POPDC3: variants seen among roughly 807,000 people sequenced by gnomAD.
POPDC3 encodes the protein popeye domain cAMP effector 3, also known as popeye domain-containing protein 3.
A neutral mutation model predicts 28.2 loss-of-function variants in POPDC3; 20 were observed. That is an observed-to-expected ratio of 0.71 (90% CI 0.50 to 1.03). POPDC3 has a LOEUF of 1.03. Among genes scored for constraint, POPDC3 ranks in the 50% least tolerant of loss-of-function variants. The pLI is 0.00. For missense variants in POPDC3, 316 were observed against 345.9 expected, an observed-to-expected ratio of 0.91 and a Z score of 0.69; for synonymous variants, 118 against 124.1, an observed-to-expected ratio of 0.95 and a Z score of 0.33.
intron 2 of POPDC3, among the ~76,000 whole-genome samples, chr6:105,160,674 C>T (rs1030630401): frequency 4.6e-5 from 7 of 152,144 alleles, no homozygotes; most frequent in Non-Finnish European, 1.0e-4. Flanking sequence ...CTCACTGCAA[C>T]CTCCGCCTCC....
chr6:105,173,988 C>G (rs376113187), intron 1 of POPDC3, among the ~76,000 whole-genome samples: 94 of 152,272 alleles, frequency 6.2e-4, no homozygotes, highest in African/African-American at 2.0e-3. Flanking sequence ...TACTACACTT[C>G]AGGAATATAA....
At chr6:105,172,996 C>T (rs573351292) in intron 1 of POPDC3, among the ~76,000 whole-genome samples, 3 of 152,122 alleles carry the variant, frequency 2.0e-5, no homozygotes, top group African/African-American at 7.2e-5. Context: ...TGTAAAAAAC[C>T]TGCACGTTGT....
rs559552291 is a variant in POPDC3 at position 105,167,095 on chromosome 6, C to T, written c.-251-4935G>A. Among the ~76,000 whole-genome samples the T allele has an allele frequency of 1.1e-3, 162 of 150,726 alleles. 5 individuals carry two copies. The South Asian group carries it at 0.032, about 30-fold the overall frequency. ...ATAAATCAGAAAGCTCCTGAATCAA[C>T]AGTTTAGATGTTGAATTAAAAAAAA... On this transcript the variant is annotated intron_variant, in intron 1 of 3. Transcript: ENST00000254765.
chr6:105,158,802 T>C, intron 3 of POPDC3, 51 bp from the exon 4 acceptor site: 1 of 1,470,176 alleles, frequency 6.8e-7, no homozygotes, highest in South Asian at 1.5e-5. Flanking sequence ...AGAAAACTTC[T>C]GCCACATTTT....
At chr6:105,166,306 C>T (rs1180099924) in intron 1 of POPDC3, among the ~76,000 whole-genome samples, 3 of 152,062 alleles carry the variant, frequency 2.0e-5, no homozygotes, top group African/African-American at 7.2e-5. Flanking sequence ...GTCTTAACAC[C>T]AGGTGTTTGA....
intron 1 of POPDC3, chr6:105,176,936 T>C (rs1407795953): frequency 6.4e-6 from 1 of 155,358 alleles, no homozygotes; most frequent in East Asian, 1.9e-4. Context: ...TATATCTTGA[T>C]AGTGGGATAG....
Position 105,159,734 on chromosome 6 carries a change from G to C in POPDC3, c.571C>G (p.Pro191Ala), listed in dbSNP as rs1774278185. ...ACCTGAAAAATGCCTTCCTCTGTGG[G>C]TCTCAGTGAATCCCACTCAGGAGAA... ...LDSPEWDSLR[P>A]TEEGIFQVTL... Residue 191 changes from proline (P) to alanine (A), a missense_variant, in exon 3 of 4, where the codon CCC becomes GCC. Physicochemically the swap from Pro to Ala is conservative, Grantham distance 27. Transcript: ENST00000254765. 1 of 1,612,058 alleles carries C rather than the reference G, an allele frequency of 6.2e-7. No individual in the cohort carries two copies. The highest frequency in any genetic ancestry group is 1.3e-5 in the African/African-American group (1 of 74,846).
At chr6:105,166,868 TTGTGTGTGTG>T (rs5878839) in intron 1 of POPDC3, among the ~76,000 whole-genome samples, 2 of 148,948 alleles carry the variant, frequency 1.3e-5, no homozygotes, top group African/African-American at 4.9e-5. Context: ...ACATAGATGG[TTGTGTGTGTG>T]TGTGTGTGTG....
At chr6:105,175,949 C>G (rs917435727) in intron 1 of POPDC3, among the ~76,000 whole-genome samples, 17 of 152,084 alleles carry the variant, frequency 1.1e-4, no homozygotes, top group Non-Finnish European at 2.4e-4. Context: ...CAGGGAGCCT[C>G]TGACTGTCTA....
Position 105,158,329 on chromosome 6 carries a change from TA to T in POPDC3, c.*140del, listed in dbSNP as rs1774227364. ...TTCACAATGCAGTTGTTGAAAGGAA[TA>T]AAACAGTTGGCAATGGCATCTCGCT... On this transcript the variant is annotated 3_prime_UTR_variant, in exon 4 of 4. Coordinates refer to ENST00000254765, the MANE Select transcript of POPDC3 (RefSeq NM_022361.5). 4.5e-6 allele frequency: 3 copies of T among 666,882 alleles called. No homozygotes were observed. The highest frequency in any genetic ancestry group is 3.6e-5 in the African/African-American group (2 of 55,454). 41.3% of individuals were successfully genotyped at this position (666,882 alleles called of 1,614,324 possible).
At chr6:105,162,326 A>G (rs961802630) in intron 1 of POPDC3, among the ~76,000 whole-genome samples, 166 bp from the exon 2 acceptor site, 2 of 152,212 alleles carry the variant, frequency 1.3e-5, no homozygotes, top group African/African-American at 2.4e-5. Flanking sequence ...TATGGTATAA[A>G]AAGTATATTT....
chr6:105,164,852 G>A (rs1398265336), intron 1 of POPDC3, among the ~76,000 whole-genome samples: 2 of 152,204 alleles, frequency 1.3e-5, no homozygotes, highest in African/African-American at 4.8e-5. Context: ...AAGCTCATCT[G>A]GGTTTTTTTC....
At chr6:105,159,503 G>A (rs1774272246) in intron 3 of POPDC3, among the ~76,000 whole-genome samples, 1 of 152,134 alleles carries the variant, frequency 6.6e-6, no homozygotes, top group African/African-American at 2.4e-5. Flanking sequence ...GTCATATGTA[G>A]CACCTGTTCT....
chr6:105,170,987 TTCTC>T (rs1055267192), intron 1 of POPDC3, among the ~76,000 whole-genome samples: 4 of 152,240 alleles, frequency 2.6e-5, no homozygotes, highest in African/African-American at 9.6e-5. Context: ...ACTGTGCTCT[TTCTC>T]AGCCCTTAAA....
chr6:105,176,196 A>T (rs1774679725), intron 1 of POPDC3, among the ~76,000 whole-genome samples: 1 of 152,240 alleles, frequency 6.6e-6, no homozygotes, highest in African/African-American at 2.4e-5. Flanking sequence ...AGTTTACCTG[A>T]GCAACAAACA....
intron 1 of POPDC3, among the ~76,000 whole-genome samples, chr6:105,167,263 G>C (rs766462403): frequency 1.4e-4 from 21 of 148,700 alleles, no homozygotes; most frequent in Non-Finnish European, 2.7e-4. Context: ...CTCAGTTTTA[G>C]CCATGTTTAA....
chr6:105,170,389 A>G (rs1322228319), intron 1 of POPDC3, among the ~76,000 whole-genome samples: 1 of 152,234 alleles, frequency 6.6e-6, no homozygotes, highest in African/African-American at 2.4e-5. Flanking sequence ...TATATGCAGA[A>G]AATGAACTCA....
At chr6:105,164,847 C>T (rs778106543) in intron 1 of POPDC3, among the ~76,000 whole-genome samples, 1 of 152,160 alleles carries the variant, frequency 6.6e-6, no homozygotes, top group African/African-American at 2.4e-5. Context: ...GTTCCAAGCT[C>T]ATCTGGGTTT....
intron 1 of POPDC3, chr6:105,169,507 A>T (rs1350682609): frequency 1.3e-5 from 2 of 151,906 alleles, no homozygotes. Context: ...TTGACCTTCA[A>T]ATCAGTCAGT....
Sources: gnomAD v4.1 joint callset for allele counts (sites outside exome capture counted in the v4.1 genomes callset) on GRCh38, gnomAD v4.1.1 for gene constraint, MANE v1.5 for transcripts, NCBI Gene and HGNC (gene_info 2026-07-23, HGNC 2026-07-21) for gene names.